The following COL25A1 variants were observed in gnomAD, a reference collection of about 807,000 sequenced individuals.
COL25A1 encodes collagen type XXV alpha 1 chain, also known as collagen alpha-1(XXV) chain.
COL25A1 carries 103 observed loss-of-function variants against 128.4 expected under a neutral mutation model. That is an observed-to-expected ratio of 0.80 (90% CI 0.68 to 0.94). The LOEUF is 0.94. Ranked by LOEUF, COL25A1 falls within the 40% of genes least tolerant of loss-of-function variation. The pLI is 0.00. For missense variants in COL25A1, 745 were observed against 840.0 expected, an observed-to-expected ratio of 0.89 and a Z score of 1.40; for synonymous variants, 279 against 277.2, an observed-to-expected ratio of 1.01 and a Z score of -0.06.
At chr4:109,193,771 T>A (rs1560843552) in intron 3 of COL25A1, among the ~76,000 whole-genome samples, 1 of 152,052 alleles carries the variant, frequency 6.6e-6, no homozygotes, top group Non-Finnish European at 1.5e-5. Flanking sequence ...AGTCACTAAA[T>A]ACACAACATT....
chr4:109,088,302 A>G (rs918652001), intron 3 of COL25A1, among the ~76,000 whole-genome samples: 1 of 152,208 alleles, frequency 6.6e-6, no homozygotes, highest in Non-Finnish European at 1.5e-5. Flanking sequence ...AGTGAGGAGC[A>G]GGTATGGGGC....
chr4:109,200,192 T>C lies in COL25A1; in HGVS notation c.367+100391A>G. Among the ~76,000 whole-genome samples, 2 of 152,192 alleles carry C rather than the reference T, an allele frequency of 1.3e-5. 1 individual carries two copies. The highest frequency in any genetic ancestry group is 3.9e-4 in the East Asian group (2 of 5,192). On this transcript the variant is annotated intron_variant, in intron 3 of 37. Coordinates refer to ENST00000399132, the MANE Select transcript of COL25A1 (RefSeq NM_198721.4). ...ATCGTCGAAGTCTTTCTCCAGCAGC[T>C]CCTTTCACACAACAATCAGATGTGC...
At chr4:109,185,347 T>G (rs1775036236) in intron 3 of COL25A1, among the ~76,000 whole-genome samples, 1 of 152,188 alleles carries the variant, frequency 6.6e-6, no homozygotes, top group Non-Finnish European at 1.5e-5. Context: ...CAGTGCTCTA[T>G]GCAATAGCTG....
chr4:108,856,924 C>G (rs1005600686), intron 24 of COL25A1, among the ~76,000 whole-genome samples: 1 of 152,074 alleles, frequency 6.6e-6, no homozygotes, highest in Non-Finnish European at 1.5e-5. Flanking sequence ...ATTCCAATAA[C>G]ATCCTTATTT....
chr4:108,908,762 A>C (rs1179074959), intron 13 of COL25A1, among the ~76,000 whole-genome samples: 4 of 152,178 alleles, frequency 2.6e-5, no homozygotes, highest in Admixed American at 1.3e-4. Flanking sequence ...CAGTCTCCCC[A>C]AAAACTTGGA....
intron 5 of COL25A1, among the ~76,000 whole-genome samples, chr4:109,012,712 C>T (rs537402873): frequency 7.7e-4 from 118 of 152,308 alleles, no homozygotes; most frequent in African/African-American, 2.5e-3. Context: ...GCCGCCTCTC[C>T]GCCGGGCAGG....
intron 3 of COL25A1, among the ~76,000 whole-genome samples, chr4:109,271,238 A>C (rs1017754985): frequency 1.3e-5 from 2 of 152,246 alleles, no homozygotes; most frequent in South Asian, 4.1e-4. Flanking sequence ...TAGAAAAGCA[A>C]AACTAAAATG....
intron 3 of COL25A1, among the ~76,000 whole-genome samples, chr4:109,241,047 T>C (rs1779867104): frequency 6.6e-6 from 1 of 152,070 alleles, no homozygotes; most frequent in Admixed American, 6.6e-5. Flanking sequence ...GCCTCTGTCA[T>C]CTACTTGTTG....
chr4:109,030,934 T>C (rs1758794474), intron 5 of COL25A1, among the ~76,000 whole-genome samples: 1 of 151,904 alleles, frequency 6.6e-6, no homozygotes, highest in South Asian at 2.1e-4. Context: ...AGAGACAGAG[T>C]TTCGCCATAT....
At chr4:108,947,474 G>T (rs1748911441) in intron 8 of COL25A1, among the ~76,000 whole-genome samples, 1 of 151,566 alleles carries the variant, frequency 6.6e-6, no homozygotes, top group African/African-American at 2.4e-5. Flanking sequence ...AGAAAGAAAA[G>T]AAAGAAAGAA....
chr4:109,180,596 CGAT>C (rs1774532460), intron 3 of COL25A1, among the ~76,000 whole-genome samples: 1 of 151,684 alleles, frequency 6.6e-6, no homozygotes, highest in African/African-American at 2.4e-5. Flanking sequence ...GTGGTGATAA[CGAT>C]GATGATTATA....
intron 5 of COL25A1, among the ~76,000 whole-genome samples, chr4:109,045,058 G>A (rs1162359733): frequency 6.6e-6 from 1 of 152,156 alleles, no homozygotes; most frequent in Non-Finnish European, 1.5e-5. Context: ...TGGTGAGGAT[G>A]AAGACTTTTG....
intron 3 of COL25A1, among the ~76,000 whole-genome samples, chr4:109,122,030 C>A (rs76002852): frequency 6.6e-6 from 1 of 152,068 alleles, no homozygotes; most frequent in South Asian, 2.1e-4. Context: ...CCTGGAAAGG[C>A]GACATATTAT....
chr4:109,138,887 T>C (rs2126082376), intron 3 of COL25A1, among the ~76,000 whole-genome samples: 1 of 152,226 alleles, frequency 6.6e-6, no homozygotes, highest in African/African-American at 2.4e-5. Context: ...TTTTGTATTT[T>C]TAGTAGAGAC....
intron 3 of COL25A1, among the ~76,000 whole-genome samples, chr4:109,239,404 ATATATATATATATATATATT>A (rs1779710473): frequency 8.6e-6 from 1 of 116,034 alleles, no homozygotes; most frequent in African/African-American, 4.1e-5. Context: ...GTATATATAT[ATATATATATATATATATATT>A]TATTTATTTA....
chr4:108,846,359 G>A (rs1201708765), intron 27 of COL25A1, 140 bp from the exon 28 acceptor site: 1 of 641,860 alleles, frequency 1.6e-6, no homozygotes, highest in Non-Finnish European at 2.8e-6. Flanking sequence ...TTTTTAGGTA[G>A]AGTTATTTCT....
chr4:109,117,829 G>A (rs1767749214), intron 3 of COL25A1, among the ~76,000 whole-genome samples: 1 of 151,850 alleles, frequency 6.6e-6, no homozygotes, highest in Non-Finnish European at 1.5e-5. Flanking sequence ...GTGGTGTAGT[G>A]TATTTAGAAA....
intron 16 of COL25A1, among the ~76,000 whole-genome samples, chr4:108,890,744 G>A (rs958542997): frequency 1.3e-5 from 2 of 152,128 alleles, no homozygotes; most frequent in African/African-American, 4.8e-5. Context: ...AAGGAGCTCC[G>A]GGGGCCCATT....
chr4:109,285,299 G>C (rs552513711), intron 3 of COL25A1, among the ~76,000 whole-genome samples: 1 of 152,122 alleles, frequency 6.6e-6, no homozygotes, highest in Non-Finnish European at 1.5e-5. Context: ...GCTATATAAA[G>C]AGAAGAATTT....
Sources: gnomAD v4.1 joint callset for allele counts (sites outside exome capture counted in the v4.1 genomes callset) on GRCh38, gnomAD v4.1.1 for gene constraint, MANE v1.5 for transcripts, NCBI Gene and HGNC (gene_info 2026-07-23, HGNC 2026-07-21) for gene names.